USH2A: variants seen among roughly 807,000 people sequenced by gnomAD.
USH2A encodes the protein Usher syndrome 2A (autosomal recessive, mild).
USH2A carries 443 observed loss-of-function variants against 538.9 expected under a neutral mutation model. The ratio of observed to expected loss-of-function variants is 0.82; its 90% CI spans 0.76 to 0.89. The LOEUF is 0.89. Among genes scored for constraint, USH2A ranks in the 40% least tolerant of loss-of-function variants. USH2A has a pLI of 0.00. For synonymous variants in USH2A, 2,413 were observed against 2,273.5 expected (o/e 1.06, Z -1.75); for missense variants, 6,633 against 6,324.8 (o/e 1.05, Z -1.65).
chr1:215,909,026 A>G (rs1321162433), intron 38 of USH2A, among the ~76,000 whole-genome samples: 1 of 149,598 alleles, frequency 6.7e-6, no homozygotes, highest in Non-Finnish European at 1.5e-5. Context: ...TAAATATATT[A>G]TATATCTACA....
chr1:215,813,473 G>A (rs1662760274), intron 49 of USH2A, among the ~76,000 whole-genome samples: 1 of 152,134 alleles, frequency 6.6e-6, no homozygotes, highest in Non-Finnish European at 1.5e-5. Context: ...AAGATAAAAG[G>A]AGTTAGCCAG....
At chr1:215,991,866 C>T (rs1303881989) in intron 35 of USH2A, among the ~76,000 whole-genome samples, 1 of 152,172 alleles carries the variant, frequency 6.6e-6, no homozygotes, top group African/African-American at 2.4e-5. Flanking sequence ...TTTTCATTGT[C>T]ATCTATGAAC....
intron 20 of USH2A, among the ~76,000 whole-genome samples, chr1:216,186,770 C>G (rs1285919286): frequency 1.3e-5 from 2 of 151,766 alleles, no homozygotes; most frequent in African/African-American, 4.8e-5. Context: ...GTTCTTTGTT[C>G]ATCTTTCCCC....
In USH2A at chr1:216,135,520, ACATATTAT is replaced by A. The variant is rs547594707; in HGVS notation, c.4628-38315_4628-38308del. The stretch of plus-strand genomic sequence containing the variant: ...AATAAACTCAGTTGACTAAACAATC[ACATATTAT>A]CATGATCAACAAAAATGTCATAGAT... On this transcript the variant is annotated intron_variant, in intron 21 of 71. Coordinates refer to ENST00000307340, the MANE Select transcript of USH2A (RefSeq NM_206933.4). 3.7e-4 allele frequency among the ~76,000 whole-genome samples: 56 copies of A among 152,218 alleles called. 1 individual carries two copies. The East Asian group carries it at 0.011, about 29-fold the overall frequency.
intron 32 of USH2A, among the ~76,000 whole-genome samples, chr1:216,043,687 G>T (rs1009818833): frequency 4.6e-5 from 7 of 152,078 alleles, no homozygotes; most frequent in African/African-American, 1.7e-4. Flanking sequence ...TTTTGCAGGT[G>T]GTATTAGAAA....
intron 49 of USH2A, among the ~76,000 whole-genome samples, chr1:215,802,375 A>G (rs1662362619): frequency 6.6e-6 from 1 of 152,118 alleles, no homozygotes; most frequent in Non-Finnish European, 1.5e-5. Context: ...CTGATAAGGA[A>G]GTAGTATCCA....
At chr1:215,656,552 A>C (rs17025030) in intron 64 of USH2A, among the ~76,000 whole-genome samples, 34,193 of 152,154 alleles carry the variant, frequency 0.22, 4,761 homozygotes, top group South Asian at 0.54. Flanking sequence ...AAAGATCTCT[A>C]ATCTGTTAAC....
chr1:215,769,580 T>A (rs1010475858), intron 55 of USH2A, among the ~76,000 whole-genome samples: 2 of 152,132 alleles, frequency 1.3e-5, no homozygotes, highest in Non-Finnish European at 1.5e-5. Context: ...CCTTAAGGAT[T>A]TTTGATAGAG....
intron 60 of USH2A, among the ~76,000 whole-genome samples, chr1:215,731,280 T>C (rs1311458314): frequency 2.0e-5 from 3 of 152,212 alleles, no homozygotes; most frequent in African/African-American, 4.8e-5. Context: ...CTTATCGCTA[T>C]TGAATCCTTG....
Position 215,674,318 on chromosome 1 carries a change from T to G in USH2A, c.13593A>C (p.Ala4531=), listed in dbSNP as rs2102664904. ...PLVKDRTSPS[A]PSGMEPPKLQ... is the part of the protein sequence containing the mutation. ...ATTTTGGAGGTTCCATCCCTGAGGGTGCTGAGGGGCTGGTTCGATCTTTGA... is the reference window on the plus strand; with the variant it reads ...ATTTTGGAGGTTCCATCCCTGAGGGGGCTGAGGGGCTGGTTCGATCTTTGA... Residue 4531 remains alanine, a synonymous_variant, in exon 63 of 72, where the codon GCA becomes GCC. Coordinates refer to ENST00000307340, the MANE Select transcript of USH2A (RefSeq NM_206933.4). 1 of 1,613,916 alleles carries G rather than the reference T, an allele frequency of 6.2e-7. No individual in the cohort carries two copies. Among genetic ancestry groups the G allele is most frequent in the South Asian group, 1.1e-5 (1 of 91,066 alleles).
At chr1:216,318,949 C>A (rs947853686) in intron 9 of USH2A, among the ~76,000 whole-genome samples, 1 of 151,978 alleles carries the variant, frequency 6.6e-6, no homozygotes, top group African/African-American at 2.4e-5. Context: ...TAACTGTGAG[C>A]AATTAAAGAC....
At position 215,786,675 on chromosome 1, in the gene USH2A, T is replaced by G; in HGVS notation, c.10382A>C (p.Tyr3461Ser). 1 of 1,614,004 alleles carries G rather than the reference T, an allele frequency of 6.2e-7. No individual in the cohort carries two copies. The highest frequency in any genetic ancestry group is 8.5e-7 in the Non-Finnish European group (1 of 1,179,896). The part of the protein sequence containing the change: ...IHTGSVNTYS[Y>S]TDVNLKPYMT... ...GACAGCTTGCTTTCTGTTACCTGTG[T>G]AAGAGTACGTGTTTACACTCCCTGT... is the stretch of plus-strand genomic sequence containing the variant. The change falls in exon 52 of 72, where the codon TAC (tyrosine) becomes TCC (serine). Residue 3461 changes from tyrosine (Y) to serine (S), a missense_variant. Tyr to Ser is a moderately radical substitution (Grantham distance 144, BLOSUM62 -2). Transcript: ENST00000307340.
Position 216,307,108 on chromosome 1 carries a change from G to A in USH2A, c.1645-14738C>T, listed in dbSNP as rs192077093. Among the ~76,000 whole-genome samples, 13 of 152,138 alleles carry A rather than the reference G, an allele frequency of 8.5e-5. No homozygotes were observed. In the East Asian group the frequency reaches 1.4e-3, roughly 16 times the overall value. On this transcript the variant is annotated intron_variant, in intron 9 of 71. Transcript: ENST00000307340. ...AGTCTCCTGGATAAGTTTCTCAGGC[G>A]GTGGTCAGGGCCATAGAGCTCTCAA...
At chr1:215,998,854 TG>T (rs1668196879) in intron 34 of USH2A, 32 bp downstream of exon 34, 1 of 1,605,732 alleles carries the variant, frequency 6.2e-7, no homozygotes, top group African/African-American at 1.3e-5. Flanking sequence ...GTGGAAGGAA[TG>T]GGGACAGAGA....
chr1:215,999,855 T>G (rs904009420), intron 33 of USH2A, among the ~76,000 whole-genome samples: 1 of 152,096 alleles, frequency 6.6e-6, no homozygotes, highest in South Asian at 2.1e-4. Context: ...ATAAGAAAAC[T>G]GAGTCCAGAA....
At chr1:216,140,711 C>T (rs1571993655) in intron 21 of USH2A, among the ~76,000 whole-genome samples, 1 of 152,110 alleles carries the variant, frequency 6.6e-6, no homozygotes, top group Admixed American at 6.5e-5. Context: ...ATCTACTGTC[C>T]AGCTCAGGGG....
At chr1:215,792,427 T>C (rs1326003828) in intron 50 of USH2A, among the ~76,000 whole-genome samples, 1 of 152,206 alleles carries the variant, frequency 6.6e-6, no homozygotes, top group Non-Finnish European at 1.5e-5. Flanking sequence ...CTTGTTCCAG[T>C]GTGATAAATT....
chr1:215,640,503 T>TG lies in USH2A; in HGVS notation c.14968+54_14968+55insC, dbSNP rs1168706720. On this transcript the variant is annotated intron_variant, in intron 68 of 71. Coordinates refer to ENST00000307340, the MANE Select transcript of USH2A (RefSeq NM_206933.4). ...GTCAGCTTTCAGATTTAGCATCCCG[T>TG]AAAGCTGGGGAACAGAGCGCCTTCC... The TG allele has an allele frequency of 2.5e-6, 4 of 1,607,648 alleles. No homozygotes were observed. The African/African-American group carries it at 5.4e-5, about 22-fold the overall frequency.
rs1305948120 is a variant in USH2A at position 215,817,113 on chromosome 1, G to A, written c.9454C>T (p.Pro3152Ser). Residue 3152 changes from proline to serine, a missense_variant, in exon 48 of 72, where the codon CCA (proline) becomes TCA (serine). Transcript: ENST00000307340. Reference sequence around the variant, plus strand: ...ACTAACTTTTGAGTTTTAGCGCATGGATACCATGTTTTCCATAGGAGATCA... The same window carrying A: ...ACTAACTTTTGAGTTTTAGCGCATGAATACCATGTTTTCCATAGGAGATCA... ...GYDLLWKTWY[P>S]CAKTQKLVQD... 5 of 1,612,652 alleles carry A rather than the reference G, an allele frequency of 3.1e-6. No individual in the cohort carries two copies. Among genetic ancestry groups the A allele is most frequent in the Non-Finnish European group, 4.2e-6 (5 of 1,179,102 alleles).
Sources: allele counts gnomAD v4.1 joint callset (sites outside exome capture counted in the v4.1 genomes callset), GRCh38; gene constraint gnomAD v4.1.1; transcripts MANE v1.5; gene names NCBI Gene and HGNC (gene_info 2026-07-23, HGNC 2026-07-21).